RIMS1: variants seen among roughly 807,000 people sequenced by gnomAD.
RIMS1 encodes the protein regulating synaptic membrane exocytosis 1, also known as regulating synaptic membrane exocytosis protein 1.
RIMS1 carries 83 observed loss-of-function variants against 214.1 expected under a neutral mutation model. The ratio of observed to expected loss-of-function variants is 0.39; its 90% CI spans 0.32 to 0.47. The LOEUF (loss-of-function observed/expected upper bound fraction) is 0.47. RIMS1 is among the 20% of genes least tolerant of loss of function. The pLI is 0.99. For synonymous variants in RIMS1, 793 were observed against 786.8 expected (o/e 1.01, Z -0.13); for missense variants, 2,050 against 2,161.8 (o/e 0.95, Z 1.03).
chr6:72,048,036 A>G (rs1165518933), intron 2 of RIMS1, among the ~76,000 whole-genome samples: 1 of 152,208 alleles, frequency 6.6e-6, no homozygotes, highest in Non-Finnish European at 1.5e-5. Context: ...TAGTTGGAAC[A>G]CAAACTGAAC....
chr6:72,164,507 C>A (rs2153941484), intron 4 of RIMS1, among the ~76,000 whole-genome samples: 1 of 152,284 alleles, frequency 6.6e-6, no homozygotes, highest in Non-Finnish European at 1.5e-5. Flanking sequence ...TAGACTGGAG[C>A]TGTTCCTATT....
rs576712025 is a variant in RIMS1, at chr6:72,144,915, G to C, written c.472-34660G>C. Among the ~76,000 whole-genome samples, 55 of 146,264 alleles carry C rather than the reference G, an allele frequency of 3.8e-4. 1 individual carries two copies. Among genetic ancestry groups the C allele is most frequent in the African/African-American group, 1.3e-3 (53 of 39,698 alleles). ...TTTTTTTTTTTCGAGATGGAGTTTC[G>C]CTCTTGTCACACAAGCTGGAGTGCA... On this transcript the variant is annotated intron_variant, in intron 4 of 33. Transcript: ENST00000521978.
chr6:72,007,486 C>T (rs764370961), intron 2 of RIMS1, among the ~76,000 whole-genome samples: 6 of 152,172 alleles, frequency 3.9e-5, no homozygotes, highest in East Asian at 1.9e-4. Flanking sequence ...ATGACTTTGA[C>T]GAGCTGAGAG....
intron 6 of RIMS1, among the ~76,000 whole-genome samples, chr6:72,215,062 T>C (rs1218171494): frequency 6.6e-6 from 1 of 152,222 alleles, no homozygotes; most frequent in Non-Finnish European, 1.5e-5. Context: ...GAACATTATA[T>C]GGTAGCGATT....
intron 4 of RIMS1, among the ~76,000 whole-genome samples, chr6:72,133,578 ATGGC>A (rs1289789176): frequency 6.6e-6 from 1 of 152,194 alleles, no homozygotes; most frequent in African/African-American, 2.4e-5. Context: ...TCTTCCAGTG[ATGGC>A]TATAGAGAGA....
chr6:71,977,848 C>T (rs1235115194), intron 2 of RIMS1, among the ~76,000 whole-genome samples: 1 of 152,112 alleles, frequency 6.6e-6, no homozygotes, highest in Non-Finnish European at 1.5e-5. Flanking sequence ...TCCTAGAGCT[C>T]TTGTGGGTCT....
chr6:71,992,946 C>T (rs1308893884), intron 2 of RIMS1, among the ~76,000 whole-genome samples: 2 of 152,180 alleles, frequency 1.3e-5, no homozygotes, highest in Non-Finnish European at 2.9e-5. Flanking sequence ...CAGGTGTGAG[C>T]CACCATGTCT....
chr6:72,346,688 A>C (rs2097276583), intron 29 of RIMS1, among the ~76,000 whole-genome samples: 1 of 151,734 alleles, frequency 6.6e-6, no homozygotes, highest in Non-Finnish European at 1.5e-5. Flanking sequence ...GAGAGAATAA[A>C]TATTTTTATG....
chr6:72,237,786 A>G (rs1267820039), intron 8 of RIMS1, 37 bp from the exon 9 acceptor site: 8 of 1,385,134 alleles, frequency 5.8e-6, no homozygotes, highest in Non-Finnish European at 6.2e-6. Context: ...ATGTTTTAGT[A>G]TGAGTCTTGG....
rs1486968619 is a variant in RIMS1, at chr6:72,163,333, T to C, written c.472-16242T>C. On this transcript the variant is annotated intron_variant, in intron 4 of 33. Coordinates refer to ENST00000521978, the MANE Select transcript of RIMS1 (RefSeq NM_014989.7). ...AACTTCTTTGCCATGGGTTCAAACT[T>C]CCTCCTTTAGTTCAGAGTAGTTTGA... 1.4e-5 allele frequency among the ~76,000 whole-genome samples: 2 copies of C among 140,688 alleles called. 1 individual carries two copies. The highest frequency in any genetic ancestry group is 4.9e-5 in the African/African-American group (2 of 40,656). 92.3% of individuals were successfully genotyped at this position (140,688 alleles called of 152,430 possible).
intron 29 of RIMS1, among the ~76,000 whole-genome samples, chr6:72,355,431 G>A (rs895271889): frequency 1.3e-5 from 2 of 152,058 alleles, no homozygotes; most frequent in Admixed American, 6.6e-5. Flanking sequence ...GAAAATAATA[G>A]CATTACAATA....
In RIMS1 at chr6:72,300,389, A is replaced by C. The variant is rs948725431; in HGVS notation, c.3851-6869A>C. Among the ~76,000 whole-genome samples the C allele has an allele frequency of 1.4e-4, 21 of 151,802 alleles. 1 individual carries two copies. Among genetic ancestry groups the C allele is most frequent in the Non-Finnish European group, 4.4e-5 (3 of 67,822 alleles). Reference sequence around the variant, plus strand: ...TTGTATATGTTCCCCAAATATTGTAAAACACAGGAAAAGACTTTCAAAAAT... The same window carrying C: ...TTGTATATGTTCCCCAAATATTGTACAACACAGGAAAAGACTTTCAAAAAT... On this transcript the variant is annotated intron_variant, in intron 26 of 33. Coordinates refer to ENST00000521978, the MANE Select transcript of RIMS1 (RefSeq NM_014989.7).
At position 72,154,817 on chromosome 6, in the gene RIMS1, C is replaced by G. The variant is rs2044223933; in HGVS notation, c.472-24758C>G. On this transcript the variant is annotated intron_variant, in intron 4 of 33. Coordinates refer to ENST00000521978, the MANE Select transcript of RIMS1 (RefSeq NM_014989.7). ...TTTATCCCATGGGGAAAAATGAGAA[C>G]ATAGTGTTTGAACTCCTGGCTCCTT... Among the ~76,000 whole-genome samples, 4 of 140,652 alleles carry G rather than the reference C, an allele frequency of 2.8e-5. 1 individual carries two copies. Among genetic ancestry groups the G allele is most frequent in the South Asian group, 2.4e-4 (1 of 4,254 alleles). The allele number at this position is 140,652 out of a possible 152,430, so 92.3% of individuals were successfully genotyped here.
intron 6 of RIMS1, among the ~76,000 whole-genome samples, chr6:72,194,711 C>T (rs1046672328): frequency 1.3e-5 from 2 of 152,056 alleles, no homozygotes; most frequent in Admixed American, 6.6e-5. Context: ...CCTTTATAGT[C>T]AATATAATCT....
At chr6:72,149,432 T>G (rs2153898073) in intron 4 of RIMS1, among the ~76,000 whole-genome samples, 1 of 152,270 alleles carries the variant, frequency 6.6e-6, no homozygotes, top group East Asian at 1.9e-4. Flanking sequence ...CTTGGCCAGA[T>G]GCCTTCAGTT....
intron 2 of RIMS1, among the ~76,000 whole-genome samples, chr6:72,057,310 A>G (rs968169099): frequency 6.6e-6 from 1 of 152,164 alleles, no homozygotes; most frequent in Non-Finnish European, 1.5e-5. Flanking sequence ...AATACAGGAG[A>G]ATGGATGCTA....
chr6:71,890,596 A>AC (rs748764784), intron 1 of RIMS1, among the ~76,000 whole-genome samples: 6,976 of 112,532 alleles, frequency 0.062, 862 homozygotes, highest in East Asian at 0.13. Flanking sequence ...AAAAAAAAAA[A>AC]ACTTCATAGA....
chr6:72,319,830 G>A (rs569303652), intron 28 of RIMS1, among the ~76,000 whole-genome samples: 1 of 151,864 alleles, frequency 6.6e-6, no homozygotes, highest in South Asian at 2.1e-4. Context: ...AATATTAAAT[G>A]TATATTCATC....
rs1330023535 is a variant in RIMS1 at position 72,099,969 on chromosome 6, C to T, written c.460-6C>T. Reference sequence around the variant, plus strand: ...CTACTCTGCTTCCTTGGATGCTTTCCCAAAGGAGGACAAAGTGGTTAGAAT... The same window carrying T: ...CTACTCTGCTTCCTTGGATGCTTTCTCAAAGGAGGACAAAGTGGTTAGAAT... On this transcript the variant is annotated splice_polypyrimidine_tract_variant and splice_region_variant and intron_variant, in intron 3 of 33. Coordinates refer to ENST00000521978, the MANE Select transcript of RIMS1 (RefSeq NM_014989.7). 1.9e-6 allele frequency: 3 copies of T among 1,604,302 alleles called. No individual in the cohort carries two copies. Among genetic ancestry groups the T allele is most frequent in the Non-Finnish European group, 2.6e-6 (3 of 1,172,610 alleles).
Sources: allele counts gnomAD v4.1 joint callset (sites outside exome capture counted in the v4.1 genomes callset), GRCh38; gene constraint gnomAD v4.1.1; transcripts MANE v1.5; gene names NCBI Gene and HGNC (gene_info 2026-07-23, HGNC 2026-07-21).